NFASC: variants seen among roughly 807,000 people sequenced by gnomAD.
NFASC encodes neurofascin, also known as neurofascin homolog.
Under a neutral mutation model 147.5 loss-of-function variants are expected in NFASC, and 43 were observed. That is an observed-to-expected ratio of 0.29 (90% CI 0.23 to 0.38). NFASC has a LOEUF of 0.38. Ranked by LOEUF, NFASC falls within the 10% of genes least tolerant of loss-of-function variation. The pLI is 1.00. For synonymous variants in NFASC, 622 were observed against 665.5 expected, an observed-to-expected ratio of 0.93 and a Z score of 1.01; for missense variants, 1,320 against 1,689.0, an observed-to-expected ratio of 0.78 and a Z score of 3.83.
chr1:205,004,658 G>A (rs1558447786), intron 27 of NFASC, among the ~76,000 whole-genome samples: 1 of 152,198 alleles, frequency 6.6e-6, no homozygotes, highest in South Asian at 2.1e-4. Context: ...CTTTCCTGTG[G>A]ATGGACTCCA....
At chr1:204,999,336 A>C (rs1053320811) in intron 25 of NFASC, 1 of 151,910 alleles carries the variant, frequency 6.6e-6, no homozygotes, top group Admixed American at 6.6e-5. Flanking sequence ...TTGGCTTCCC[A>C]CTGCCTGGCC....
chr1:204,861,613 C>T (rs2102854762), intron 1 of NFASC, among the ~76,000 whole-genome samples: 1 of 152,296 alleles, frequency 6.6e-6, no homozygotes, highest in African/African-American at 2.4e-5. Flanking sequence ...CCTCAGCCTC[C>T]CGAGTAGCTG....
intron 1 of NFASC, among the ~76,000 whole-genome samples, chr1:204,843,402 C>T (rs1028841643): frequency 4.6e-5 from 7 of 152,178 alleles, no homozygotes; most frequent in African/African-American, 1.7e-4. Flanking sequence ...AGTACACTCT[C>T]GCAACCAGGA....
At chr1:204,837,039 C>T (rs1673979835) in intron 1 of NFASC, among the ~76,000 whole-genome samples, 1 of 152,236 alleles carries the variant, frequency 6.6e-6, no homozygotes, top group Non-Finnish European at 1.5e-5. Flanking sequence ...CAAGAAATGA[C>T]TCAGAAGTGT....
Position 204,997,263 on chromosome 1 carries a change from C to T in NFASC, c.2876C>T (p.Thr959Ile). ...ATTGCTGCCACCACCGAAGCCACAA[C>T]AGTCCCCATCATCCCAACTGTCGCA... Reference protein sequence around the residue: ...TAIAATTEATTVPIIPTVAPT... With the variant: ...TAIAATTEATIVPIIPTVAPT... Residue 959 changes from threonine (T) to isoleucine (I), a missense_variant, in exon 25 of 30, where the codon ACA becomes ATA. Transcript: ENST00000339876. 6.2e-7 allele frequency: 1 copy of T among 1,613,198 alleles called. No individual in the cohort carries two copies.
At position 204,968,956 on chromosome 1, in the gene NFASC, G is replaced by A. The variant is rs376800898; in HGVS notation, c.977G>A (p.Arg326Gln). ...GCCTCCAACAAGATGGGCAGCATCC[G>A]GCACACGATCTCGGTGAGAGTAAAG... ...CLASNKMGSI[R>Q]HTISVRVKAA... Residue 326 changes from arginine (R) to glutamine (Q), a missense_variant, in exon 10 of 30, where the codon CGG becomes CAG. Arg to Gln is a conservative substitution (Grantham distance 43). This residue lies in a region of NFASC where 981 missense variants were observed against 1,289.5 expected (regional missense o/e 0.76). Transcript: ENST00000339876. The surrounding 1 kb of genome is among the most constrained non-coding windows in gnomAD (Gnocchi z 5.4). 19 of 1,613,840 alleles carry A rather than the reference G, an allele frequency of 1.2e-5. No homozygotes were observed. In the African/African-American group the frequency reaches 1.2e-4, roughly 10 times the overall value.
intron 1 of NFASC, among the ~76,000 whole-genome samples, chr1:204,839,080 C>T (rs1057102451): frequency 3.9e-5 from 6 of 152,160 alleles, no homozygotes; most frequent in Admixed American, 6.5e-5. Flanking sequence ...TTTCCTAAAC[C>T]GGGATGCATG....
chr1:204,907,704 TG>T (rs2086304690), intron 1 of NFASC, among the ~76,000 whole-genome samples: 1 of 152,256 alleles, frequency 6.6e-6, no homozygotes, highest in African/African-American at 2.4e-5. Flanking sequence ...CTCTTGCTAG[TG>T]GCTTCAGAAT....
At chr1:204,891,072 A>T (rs1356586644) in intron 1 of NFASC, among the ~76,000 whole-genome samples, 1 of 152,214 alleles carries the variant, frequency 6.6e-6, no homozygotes, top group Non-Finnish European at 1.5e-5. Context: ...GCCTAAAGTC[A>T]TACTTGAGAG....
chr1:205,016,840 T>A lies in NFASC; in HGVS notation c.*301T>A. ...CCACCCCGAGCGTTCCACCACACTG[T>A]CCGCCCTTGGCCTCGGCACACGCTC... On this transcript the variant is annotated 3_prime_UTR_variant, in exon 30 of 30. Coordinates refer to ENST00000339876, the MANE Select transcript of NFASC (RefSeq NM_001005388.3). The surrounding 1 kb of genome is among the most constrained non-coding windows in gnomAD (Gnocchi z 5.1). 2.1e-6 allele frequency: 1 copy of A among 474,938 alleles called. No homozygotes were observed. The highest frequency in any genetic ancestry group is 3.9e-6 in the Non-Finnish European group (1 of 255,980). 29.4% of individuals were successfully genotyped at this position (474,938 alleles called of 1,614,324 possible).
In NFASC at chr1:204,978,960, G is replaced by A. The variant is rs369362005; in HGVS notation, c.1877-8G>A. On this transcript the variant is annotated splice_region_variant and splice_polypyrimidine_tract_variant and intron_variant, in intron 17 of 29. Coordinates refer to ENST00000339876, the MANE Select transcript of NFASC (RefSeq NM_001005388.3). ...TCAGGAGGCCTGCGTGGTGTCTTCT[G>A]CCACCAGGACGGCCAGACCGGCCCC... 21 of 1,549,856 alleles carry A rather than the reference G, an allele frequency of 1.4e-5. No individual in the cohort carries two copies. In the African/African-American group the frequency reaches 2.7e-4, roughly 20 times the overall value.
At chr1:204,871,048 A>C in intron 1 of NFASC, 3 of 1,289,818 alleles carry the variant, frequency 2.3e-6, no homozygotes, top group Non-Finnish European at 3.0e-6. Flanking sequence ...GATGAACCAG[A>C]CCATGGCTCC....
At chr1:204,855,054 C>T (rs1207405094) in intron 1 of NFASC, among the ~76,000 whole-genome samples, 1 of 152,242 alleles carries the variant, frequency 6.6e-6, no homozygotes, top group Non-Finnish European at 1.5e-5. Context: ...TGGGAGCCCT[C>T]ACAAGGACTC....
In NFASC at chr1:204,911,352, G is replaced by T. The variant is rs563763082; in HGVS notation, c.-199-9280G>T. On this transcript the variant is annotated intron_variant, in intron 1 of 29. Transcript: ENST00000339876. ...GCTGAATTCTGTTTGCTTATATTTT[G>T]TTAAGGACTTTTTTTAAATGAATGT... Among the ~76,000 whole-genome samples the T allele has an allele frequency of 9.2e-5, 14 of 152,190 alleles. No individual in the cohort carries two copies. In the South Asian group the frequency reaches 2.9e-3, roughly 32 times the overall value.
chr1:204,953,508 G>A (rs926964969), intron 5 of NFASC, among the ~76,000 whole-genome samples: 3 of 152,176 alleles, frequency 2.0e-5, no homozygotes, highest in African/African-American at 7.2e-5. Context: ...GAGTTAGCCA[G>A]GATGGTCTCG....
intron 1 of NFASC, among the ~76,000 whole-genome samples, chr1:204,890,850 G>A (rs778853767): frequency 1.4e-4 from 21 of 152,178 alleles, no homozygotes; most frequent in Middle Eastern, 6.3e-3. Flanking sequence ...GATTACAGGC[G>A]TGAGCCACCG....
chr1:204,900,961 G>A (rs2084440258), intron 1 of NFASC, among the ~76,000 whole-genome samples: 1 of 152,116 alleles, frequency 6.6e-6, no homozygotes, highest in African/African-American at 2.4e-5. Context: ...ACAGATGTCA[G>A]TCACTGCATC....
rs145169715 is a variant in NFASC, at chr1:204,923,928, C to T, written c.-91+3188C>T. Among the ~76,000 whole-genome samples, 304 of 152,356 alleles carry T rather than the reference C, an allele frequency of 2.0e-3. 2 individuals carry two copies. Among genetic ancestry groups the T allele is most frequent in the African/African-American group, 7.0e-3 (292 of 41,584 alleles). ...CTGCCTCGCCAAGCCCACCTTTCCA[C>T]CAGAGGCTGGGCTGTTTGAAACAGC... is the stretch of plus-strand genomic sequence containing the variant. On this transcript the variant is annotated intron_variant, in intron 2 of 29. Coordinates refer to ENST00000339876, the MANE Select transcript of NFASC (RefSeq NM_001005388.3).
At position 204,921,805 on chromosome 1, in the gene NFASC, T is replaced by C. The variant is rs900340707; in HGVS notation, c.-91+1065T>C. Among the ~76,000 whole-genome samples, 8 of 152,332 alleles carry C rather than the reference T, an allele frequency of 5.3e-5. No individual in the cohort carries two copies. In the South Asian group the frequency reaches 1.7e-3, roughly 32 times the overall value. On this transcript the variant is annotated intron_variant, in intron 2 of 29. Transcript: ENST00000339876. ...TGGCTCATTTAATCAATGAGGGTTA[T>C]TATGATTTCTCATATCAATGGCAAT...
Sources: gnomAD v4.1 joint callset for allele counts (sites outside exome capture counted in the v4.1 genomes callset) on GRCh38, gnomAD v4.1.1 for gene constraint, gnomAD v4.1.1 regional missense constraint, Gnocchi (gnomAD v3.1) non-coding constraint, MANE v1.5 for transcripts, NCBI Gene and HGNC (gene_info 2026-07-23, HGNC 2026-07-21) for gene names.